The following ZNF407 variants were observed in gnomAD, a reference collection of about 807,000 sequenced individuals.
ZNF407 encodes zinc finger protein 407.
Under a neutral mutation model 131.2 loss-of-function variants are expected in ZNF407, and 17 were observed. That is an observed-to-expected ratio of 0.13 (90% CI 0.09 to 0.19). The LOEUF (loss-of-function observed/expected upper bound fraction) is 0.19, where lower values mean the gene tolerates loss of function less well. Among genes scored for constraint, ZNF407 ranks in the 10% least tolerant of loss-of-function variants. The pLI is 1.00. For missense variants in ZNF407, 2,681 were observed against 2,830.6 expected, an observed-to-expected ratio of 0.95 and a Z score of 1.20; for synonymous variants, 1,156 against 1,062.0, an observed-to-expected ratio of 1.09 and a Z score of -1.72.
rs574121917 is a variant in ZNF407, at chr18:74,764,594, T to C, written c.4803-16834T>C. Among the ~76,000 whole-genome samples, 34 of 152,342 alleles carry C rather than the reference T, an allele frequency of 2.2e-4. No homozygotes were observed. In the South Asian group the frequency reaches 6.2e-3, roughly 28 times the overall value. Reference sequence around the variant, plus strand: ...AACTATTTATGTAGCTTTTAGATTGTGTTAAGTATTGTAAGTAATCTAGAG... The same window carrying C: ...AACTATTTATGTAGCTTTTAGATTGCGTTAAGTATTGTAAGTAATCTAGAG... On this transcript the variant is annotated intron_variant, in intron 3 of 8. Transcript: ENST00000299687.
At chr18:74,649,774 T>G (rs1002725490) in intron 3 of ZNF407, among the ~76,000 whole-genome samples, 1 of 152,222 alleles carries the variant, frequency 6.6e-6, no homozygotes, top group Non-Finnish European at 1.5e-5. Context: ...CTTTTCAGTC[T>G]CACTATTTTT....
chr18:74,710,673 T>G (rs1488577663), intron 3 of ZNF407, among the ~76,000 whole-genome samples: 1 of 152,214 alleles, frequency 6.6e-6, no homozygotes, highest in Non-Finnish European at 1.5e-5. Flanking sequence ...ACAGTGATGC[T>G]AGATTCAAAT....
intron 1 of ZNF407, among the ~76,000 whole-genome samples, chr18:74,630,098 A>G (rs1489732447): frequency 2.0e-5 from 3 of 151,700 alleles, no homozygotes; most frequent in Non-Finnish European, 2.9e-5. Flanking sequence ...CGTGTTGTTC[A>G]TTGGAATATA....
intron 4 of ZNF407, among the ~76,000 whole-genome samples, chr18:74,868,295 T>C (rs1395798824): frequency 6.6e-6 from 1 of 152,180 alleles, no homozygotes; most frequent in Non-Finnish European, 1.5e-5. Flanking sequence ...GAGGGCATTG[T>C]TATAGGAGGT....
chr18:75,062,949 C>T (rs1466505667), intron 8 of ZNF407: 2 of 527,938 alleles, frequency 3.8e-6, no homozygotes, highest in Non-Finnish European at 6.7e-6. Context: ...CTGTGTGTGC[C>T]CTTGAGCCTA....
At chr18:74,698,078 T>C (rs761044607) in intron 3 of ZNF407, among the ~76,000 whole-genome samples, 3 of 152,216 alleles carry the variant, frequency 2.0e-5, no homozygotes, top group Non-Finnish European at 4.4e-5. Flanking sequence ...CAGAGATGCA[T>C]TCAATTGACA....
intron 8 of ZNF407, among the ~76,000 whole-genome samples, chr18:74,998,191 A>G (rs565815857): frequency 6.6e-6 from 1 of 152,340 alleles, no homozygotes; most frequent in South Asian, 2.1e-4. Flanking sequence ...TTTCTTGTCA[A>G]TAAGATTTAA....
At chr18:75,033,221 T>C (rs1324955133) in intron 8 of ZNF407, among the ~76,000 whole-genome samples, 2 of 124,970 alleles carry the variant, frequency 1.6e-5, no homozygotes, top group African/African-American at 6.2e-5. Context: ...GGGGGGAAGA[T>C]AGTATTAGAT....
chr18:74,797,916 T>C (rs940607181), intron 4 of ZNF407, among the ~76,000 whole-genome samples: 1 of 151,996 alleles, frequency 6.6e-6, no homozygotes, highest in Non-Finnish European at 1.5e-5. Context: ...GAAATAATGA[T>C]GCACTAGTAA....
intron 7 of ZNF407, among the ~76,000 whole-genome samples, chr18:74,915,209 G>A (rs1042912658): frequency 6.6e-6 from 1 of 152,154 alleles, no homozygotes; most frequent in African/African-American, 2.4e-5. Flanking sequence ...GGAGCAGTGC[G>A]AGGCCAGGAG....
chr18:74,766,351 AACTTAC>A (rs1308507030), intron 3 of ZNF407, among the ~76,000 whole-genome samples: 2 of 152,174 alleles, frequency 1.3e-5, no homozygotes, highest in African/African-American at 4.8e-5. Flanking sequence ...ATGCTTCTTA[AACTTAC>A]CCATGAGGTT....
At chr18:74,791,553 C>T (rs553159676) in intron 4 of ZNF407, among the ~76,000 whole-genome samples, 5 of 152,218 alleles carry the variant, frequency 3.3e-5, no homozygotes, top group East Asian at 3.9e-4. Flanking sequence ...ATGAATTTAT[C>T]GATGCTGTCA....
At chr18:74,913,548 A>T (rs1171860135) in intron 7 of ZNF407, among the ~76,000 whole-genome samples, 1 of 152,078 alleles carries the variant, frequency 6.6e-6, no homozygotes, top group Non-Finnish European at 1.5e-5. Flanking sequence ...AGAATATAAG[A>T]CATATCTGTA....
At chr18:75,028,795 G>A (rs1457456892) in intron 8 of ZNF407, among the ~76,000 whole-genome samples, 4 of 152,148 alleles carry the variant, frequency 2.6e-5, no homozygotes, top group South Asian at 2.1e-4. Flanking sequence ...ATAGACATAC[G>A]TTGTTAAAGC....
intron 8 of ZNF407, among the ~76,000 whole-genome samples, chr18:75,044,257 T>G (rs1973406654): frequency 6.6e-6 from 1 of 152,048 alleles, no homozygotes; most frequent in Non-Finnish European, 1.5e-5. Flanking sequence ...TCTCGCCTGT[T>G]GAAAAAAAAC....
chr18:75,036,186 C>A (rs1973306223), intron 8 of ZNF407, among the ~76,000 whole-genome samples: 1 of 152,182 alleles, frequency 6.6e-6, no homozygotes, highest in South Asian at 2.1e-4. Flanking sequence ...TCTGAAAACC[C>A]ATTCTAAGTT....
At chr18:75,021,257 T>G (rs1289906770) in intron 8 of ZNF407, among the ~76,000 whole-genome samples, 1 of 150,042 alleles carries the variant, frequency 6.7e-6, no homozygotes, top group Non-Finnish European at 1.5e-5. Flanking sequence ...TATAATACAT[T>G]ATACATTCTT....
chr18:74,724,818 C>T (rs184425686), intron 3 of ZNF407, among the ~76,000 whole-genome samples: 108 of 152,120 alleles, frequency 7.1e-4, no homozygotes, highest in Non-Finnish European at 5.9e-5. Flanking sequence ...TATTTTTGTG[C>T]TCTTTTCATG....
In ZNF407 at chr18:74,871,655, A is replaced by G. The variant is rs559731729; in HGVS notation, c.4878-5542A>G. 1.4e-3 allele frequency among the ~76,000 whole-genome samples: 211 copies of G among 152,262 alleles called. 1 individual carries two copies. The highest frequency in any genetic ancestry group is 4.8e-3 in the Admixed American group (74 of 15,284). On this transcript the variant is annotated intron_variant, in intron 4 of 8. Transcript: ENST00000299687. The stretch of plus-strand genomic sequence containing the variant: ...CTCTTTTATTAAAATTTCATTTGGA[A>G]CATACCAGATCTTTCCCACTGGTGT...
Sources: allele counts gnomAD v4.1 joint callset (sites outside exome capture counted in the v4.1 genomes callset), GRCh38; gene constraint gnomAD v4.1.1; transcripts MANE v1.5; gene names NCBI Gene and HGNC (gene_info 2026-07-23, HGNC 2026-07-21).